ARHGAP32: variants seen among roughly 807,000 people sequenced by gnomAD.
The protein encoded by ARHGAP32 is Rho GTPase activating protein 32.
A neutral mutation model predicts 186.5 loss-of-function variants in ARHGAP32; 51 were observed. That is an observed-to-expected ratio of 0.27 (90% CI 0.22 to 0.35). The LOEUF (loss-of-function observed/expected upper bound fraction) is 0.35. Among genes scored for constraint, ARHGAP32 ranks in the 10% least tolerant of loss-of-function variants. The pLI, the probability that ARHGAP32 is intolerant of heterozygous loss-of-function variation, is 1.00. For missense variants in ARHGAP32, 2,186 were observed against 2,623.5 expected (o/e 0.83, Z 3.64); for synonymous variants, 950 against 964.3 (o/e 0.99, Z 0.27).
Position 128,981,833 on chromosome 11 carries a change from A to G in ARHGAP32, c.1630T>C (p.Leu544=), listed in dbSNP as rs768687879. ...NLAIVWAPNL[L]RSKQIESACF... The stretch of plus-strand genomic sequence containing the variant: ...AATAAGTGAAATGCAAATTACCTTA[A>G]CAGGTTTGGAGCCCAAACAATTGCT... Residue 544 remains leucine (L), a synonymous_variant, in exon 16 of 23, where the codon TTA becomes CTA. Coordinates refer to ENST00000682385, the MANE Select transcript of ARHGAP32 (RefSeq NM_001378024.1). 6.2e-6 allele frequency: 10 copies of G among 1,603,264 alleles called. No individual in the cohort carries two copies. In the East Asian group the frequency reaches 2.2e-4, roughly 36 times the overall value.
rs111399265 is a variant in ARHGAP32, at chr11:129,219,858, T to TAC, written c.-4-55433_-4-55432dup. Among the ~76,000 whole-genome samples, 357 of 150,152 alleles carry TAC rather than the reference T, an allele frequency of 2.4e-3. 3 individuals carry two copies. Among genetic ancestry groups the TAC allele is most frequent in the African/African-American group, 7.0e-3 (286 of 41,054 alleles). Reference sequence around the variant, plus strand: ...TTAATATTCACATTAACTACACACATACACACACACACACACAATGTTCAT... The same window carrying TAC: ...TTAATATTCACATTAACTACACACATACACACACACACACACACAATGTTCAT... On this transcript the variant is annotated intron_variant, in intron 1 of 6. Transcript: ENST00000525234.
rs186486160 is a variant in ARHGAP32 at position 129,033,961 on chromosome 11, C to T, written c.1045+6967G>A. ...GTCTATCTGTACACATCTATACCAA[C>T]GTCGTAATTAGTGAAGCTTTCACAA... On this transcript the variant is annotated intron_variant, in intron 11 of 22. Coordinates refer to ENST00000682385, the MANE Select transcript of ARHGAP32 (RefSeq NM_001378024.1). 1.5e-3 allele frequency among the ~76,000 whole-genome samples: 227 copies of T among 152,302 alleles called. 1 individual carries two copies. Among genetic ancestry groups the T allele is most frequent in the Middle Eastern group, 6.8e-3 (2 of 294 alleles).
chr11:129,093,612 C>T lies in ARHGAP32; in HGVS notation c.531+9G>A. On this transcript the variant is annotated intron_variant, in intron 6 of 22. Coordinates refer to ENST00000682385, the MANE Select transcript of ARHGAP32 (RefSeq NM_001378024.1). ...TCATATGAAATGGAGAATACATTCACAAAATCACCTGACAAGCAATCTGCA... is the reference window on the plus strand; with the variant it reads ...TCATATGAAATGGAGAATACATTCATAAAATCACCTGACAAGCAATCTGCA... 1 of 1,592,034 alleles carries T rather than the reference C, an allele frequency of 6.3e-7. No individual in the cohort carries two copies. Among genetic ancestry groups the T allele is most frequent in the South Asian group, 1.1e-5 (1 of 87,748 alleles).
upstream of ARHGAP32, among the ~76,000 whole-genome samples, chr11:129,194,468 CTGT>C (rs1320521118): frequency 3.9e-5 from 6 of 152,128 alleles, no homozygotes; most frequent in Admixed American, 3.9e-4. Context: ...CTAAGGAATA[CTGT>C]TAAGGCAAAG....
chr11:129,081,259 C>T (rs562065286), intron 6 of ARHGAP32, among the ~76,000 whole-genome samples: 35 of 151,916 alleles, frequency 2.3e-4, no homozygotes, highest in Non-Finnish European at 3.8e-4. Flanking sequence ...CTAAATCATT[C>T]TATGAGGCCA....
At chr11:129,268,720 T>C (rs1945438088) in intron 1 of ARHGAP32, among the ~76,000 whole-genome samples, 1 of 128,308 alleles carries the variant, frequency 7.8e-6, no homozygotes, top group Non-Finnish European at 1.6e-5. Context: ...TTCTTCAAAA[T>C]TAGTTACTAA....
chr11:129,161,539 C>T (rs377346408), intron 2 of ARHGAP32, among the ~76,000 whole-genome samples: 1 of 151,826 alleles, frequency 6.6e-6, no homozygotes, highest in Non-Finnish European at 1.5e-5. Flanking sequence ...GGCCAACAAA[C>T]ATGAAAAAAG....
At chr11:129,269,042 A>G (rs897957498) in intron 1 of ARHGAP32, among the ~76,000 whole-genome samples, 3 of 152,180 alleles carry the variant, frequency 2.0e-5, no homozygotes, top group Admixed American at 2.0e-4. Context: ...AGGCCAATGC[A>G]GTTGAATCAC....
chr11:129,143,526 G>A (rs377020596), intron 2 of ARHGAP32, among the ~76,000 whole-genome samples: 48 of 152,226 alleles, frequency 3.2e-4, no homozygotes, highest in African/African-American at 1.1e-3. Flanking sequence ...ACTACCCGCC[G>A]GTGACTCACT....
rs1025963694 is a variant in ARHGAP32 at position 129,032,398 on chromosome 11, A to G, written c.1045+8530T>C. On this transcript the variant is annotated intron_variant, in intron 11 of 22. Coordinates refer to ENST00000682385, the MANE Select transcript of ARHGAP32 (RefSeq NM_001378024.1). ...AGGGAACTATTCCATTTCAATTATA[A>G]AAAAATTAAATAATACACAACCAAA... 6.6e-5 allele frequency among the ~76,000 whole-genome samples: 10 copies of G among 152,344 alleles called. No homozygotes were observed. In the East Asian group the frequency reaches 1.9e-3, roughly 29 times the overall value.
rs553150156 is a variant in ARHGAP32 at position 129,026,358 on chromosome 11, C to T, written c.1045+14570G>A. On this transcript the variant is annotated intron_variant, in intron 11 of 22. Coordinates refer to ENST00000682385, the MANE Select transcript of ARHGAP32 (RefSeq NM_001378024.1). ...TCTAGTGACTGTGTAGGAGAGGTCA[C>T]TTGTTTTTCTCTCATATTTAACAAA... 3.3e-5 allele frequency among the ~76,000 whole-genome samples: 5 copies of T among 152,254 alleles called. No individual in the cohort carries two copies. The South Asian group carries it at 1.0e-3, about 32-fold the overall frequency.
chr11:129,148,468 C>T (rs1943218004), intron 2 of ARHGAP32, among the ~76,000 whole-genome samples: 1 of 152,172 alleles, frequency 6.6e-6, no homozygotes, highest in East Asian at 1.9e-4. Context: ...TACTCCCAGT[C>T]TCCAGCTCAA....
intron 1 of ARHGAP32, among the ~76,000 whole-genome samples, chr11:129,268,918 C>G (rs1259662376): frequency 2.6e-5 from 4 of 152,160 alleles, no homozygotes. Context: ...GCTAGAGATA[C>G]AGCAGGAGCC....
intron 1 of ARHGAP32, among the ~76,000 whole-genome samples, chr11:129,244,155 C>T (rs1199437352): frequency 6.6e-6 from 1 of 152,142 alleles, no homozygotes; most frequent in African/African-American, 2.4e-5. Context: ...ATTTATTCTT[C>T]ATAACAACTC....
At chr11:129,081,807 A>T (rs1941229310) in intron 6 of ARHGAP32, among the ~76,000 whole-genome samples, 1 of 152,216 alleles carries the variant, frequency 6.6e-6, no homozygotes, top group East Asian at 1.9e-4. Context: ...GAGGAAGTCA[A>T]ACTGTCGCTG....
intron 21 of ARHGAP32, chr11:128,973,922 A>G: frequency 3.3e-6 from 2 of 610,046 alleles, no homozygotes; most frequent in Non-Finnish European, 5.6e-6. Context: ...TGAAGATTTG[A>G]AGCAGGACCA....
intron 10 of ARHGAP32, among the ~76,000 whole-genome samples, chr11:129,058,213 ACACACACACT>A (rs1300624649): frequency 1.0e-3 from 110 of 110,474 alleles, no homozygotes; most frequent in African/African-American, 2.8e-3. Flanking sequence ...ACACACACAC[ACACACACACT>A]CTCTCTCTCT....
chr11:129,056,624 C>T (rs1427138192), intron 10 of ARHGAP32, among the ~76,000 whole-genome samples: 1 of 152,168 alleles, frequency 6.6e-6, no homozygotes, highest in African/African-American at 2.4e-5. Flanking sequence ...AGGACCACTG[C>T]ACAGAGACTT....
At chr11:129,097,853 C>A (rs1028953399) in intron 5 of ARHGAP32, among the ~76,000 whole-genome samples, 2 of 151,978 alleles carry the variant, frequency 1.3e-5, no homozygotes, top group African/African-American at 4.8e-5. Context: ...TCAGAGAGAC[C>A]CACACTAAGA....
Sources: gnomAD v4.1 joint callset for allele counts (sites outside exome capture counted in the v4.1 genomes callset) on GRCh38, gnomAD v4.1.1 for gene constraint, MANE v1.5 for transcripts, NCBI Gene and HGNC (gene_info 2026-07-23, HGNC 2026-07-21) for gene names.